Variants in AASS observed in about 807,000 individuals in gnomAD.
AASS encodes the protein alpha-aminoadipic semialdehyde synthase, mitochondrial.
AASS carries 86 observed loss-of-function variants against 105.4 expected under a neutral mutation model. That is an observed-to-expected ratio of 0.82 (90% CI 0.69 to 0.98). AASS has a LOEUF of 0.98. AASS is among the 50% of genes least tolerant of loss of function. The pLI, the probability that AASS is intolerant of heterozygous loss-of-function variation, is 0.00. For missense variants in AASS, 1,048 were observed against 1,143.2 expected, an observed-to-expected ratio of 0.92 and a Z score of 1.20; for synonymous variants, 381 against 394.8, an observed-to-expected ratio of 0.96 and a Z score of 0.41.
At chr7:122,096,561 A>T (rs1794163582) in intron 15 of AASS, among the ~76,000 whole-genome samples, 1 of 151,894 alleles carries the variant, frequency 6.6e-6, no homozygotes, top group African/African-American at 2.4e-5. Context: ...CTGGGAGGTG[A>T]AGGTTGCAGT....
rs571938048 is a variant in AASS at position 122,089,611 on chromosome 7, C to T, written c.2016+2092G>A. ...TAGCTAATATTTGCTAGATTTATTA[C>T]ATGGCTGACAATCTGCTGTTAGGCA... On this transcript the variant is annotated intron_variant, in intron 18 of 23. Transcript: ENST00000417368. 2.0e-5 allele frequency among the ~76,000 whole-genome samples: 3 copies of T among 152,276 alleles called. No individual in the cohort carries two copies. The South Asian group carries it at 6.2e-4, about 32-fold the overall frequency.
intron 8 of AASS, among the ~76,000 whole-genome samples, chr7:122,116,037 TGTTA>T (rs1205917344): frequency 2.6e-5 from 4 of 152,342 alleles, no homozygotes; most frequent in Admixed American, 2.6e-4. Flanking sequence ...TTTTTTGGTT[TGTTA>T]GTTTATCTGG....
chr7:122,091,966 T>TA (rs1793924288), intron 17 of AASS, 123 bp from the exon 18 acceptor site: 1 of 691,608 alleles, frequency 1.4e-6, no homozygotes, highest in Non-Finnish European at 2.5e-6. Flanking sequence ...TTAAAGTTAC[T>TA]AAGGCATTCA....
At chr7:122,124,163 C>G (rs1374773813) in intron 4 of AASS, among the ~76,000 whole-genome samples, 3 of 152,182 alleles carry the variant, frequency 2.0e-5, no homozygotes, top group Non-Finnish European at 4.4e-5. Context: ...ACTGTCCTCT[C>G]CTACTTCCCT....
chr7:122,106,196 C>T (rs1476151319), intron 11 of AASS, among the ~76,000 whole-genome samples: 2 of 151,984 alleles, frequency 1.3e-5, no homozygotes, highest in Non-Finnish European at 2.9e-5. Flanking sequence ...TATTTGAATG[C>T]TTTTTATTTC....
rs2150516847 is a variant in AASS at position 122,092,939 on chromosome 7, A to G, written c.1779T>C (p.Ala593=). 3 of 1,613,956 alleles carry G rather than the reference A, an allele frequency of 1.9e-6. No homozygotes were observed. Among genetic ancestry groups the G allele is most frequent in the South Asian group, 2.2e-5 (2 of 91,082 alleles). ...CCAATTCACCAATGATTGTGATGCCAGCATCTTCCACACTGCAGCAGGTGG... is the reference window on the plus strand; with the variant it reads ...CCAATTCACCAATGATTGTGATGCCGGCATCTTCCACACTGCAGCAGGTGG... ...LKELEKSVED[A]GITIIGELGL... Residue 593 remains alanine, a synonymous_variant, in exon 17 of 24, where the codon GCT becomes GCC. Coordinates refer to ENST00000417368, the MANE Select transcript of AASS (RefSeq NM_005763.4).
chr7:122,086,262 G>T, intron 18 of AASS, 83 bp from the exon 19 acceptor site: 1 of 1,355,970 alleles, frequency 7.4e-7, no homozygotes, highest in Non-Finnish European at 1.0e-6. Context: ...AACAAAGAAA[G>T]CAACAGAAAT....
In AASS at chr7:122,116,978, A is replaced by T. The variant is rs867892024; in HGVS notation, c.688-21T>A. On this transcript the variant is annotated intron_variant, in intron 6 of 23. Transcript: ENST00000417368. ...GCTCCCTACAAATAACACATGAGTA[A>T]AAATCCAAAAATCAATAGAAAAAGA... 1.9e-6 allele frequency: 3 copies of T among 1,599,828 alleles called. No individual in the cohort carries two copies. The Middle Eastern group carries it at 5.0e-4, about 265-fold the overall frequency.
At chr7:122,118,088 T>TAC (rs985387741) in intron 6 of AASS, among the ~76,000 whole-genome samples, 2 of 151,970 alleles carry the variant, frequency 1.3e-5, no homozygotes, top group Non-Finnish European at 2.9e-5. Flanking sequence ...CACTTACACA[T>TAC]ACACACACAC....
chr7:122,129,865 A>C (rs1266429546), intron 2 of AASS, among the ~76,000 whole-genome samples: 3 of 152,178 alleles, frequency 2.0e-5, no homozygotes, highest in African/African-American at 7.2e-5. Flanking sequence ...CCAACAGTAC[A>C]CTGAAATATT....
At chr7:122,132,282 A>C (rs1468299760) in intron 2 of AASS, among the ~76,000 whole-genome samples, 1 of 152,200 alleles carries the variant, frequency 6.6e-6, no homozygotes, top group Admixed American at 6.5e-5. Context: ...TTCACAACTC[A>C]AAAAAGTGGA....
chr7:122,095,525 C>T (rs1390602015), intron 15 of AASS, among the ~76,000 whole-genome samples: 2 of 151,524 alleles, frequency 1.3e-5, no homozygotes, highest in African/African-American at 2.4e-5. Context: ...CAATATTACA[C>T]TATATCATTG....
intron 1 of AASS, 54 bp from the exon 2 acceptor site, chr7:122,133,795 C>G (rs1584900367): frequency 1.4e-6 from 2 of 1,456,108 alleles, no homozygotes; most frequent in East Asian, 4.5e-5. Context: ...GCTGGCAGAT[C>G]AGTTCTGGTC....
chr7:122,079,195 C>A (rs1793187616), intron 21 of AASS: 2 of 1,404,900 alleles, frequency 1.4e-6, no homozygotes, highest in Non-Finnish European at 1.8e-6. Context: ...GATTGTAATC[C>A]CATGTTCTTA....
At chr7:122,116,471 T>C (rs1184786648) in intron 8 of AASS, among the ~76,000 whole-genome samples, 162 bp downstream of exon 8, 1 of 152,068 alleles carries the variant, frequency 6.6e-6, no homozygotes, top group Admixed American at 6.6e-5. Context: ...CTACTCCAAA[T>C]ACCATAAAAG....
At position 122,133,885 on chromosome 7, in the gene AASS, G is replaced by A. The variant is rs550891627; in HGVS notation, c.-15-144C>T. 6.8e-5 allele frequency: 51 copies of A among 747,522 alleles called. No homozygotes were observed. The East Asian group carries it at 1.1e-3, about 16-fold the overall frequency. 46.3% of individuals were successfully genotyped at this position (747,522 alleles called of 1,614,324 possible). A position where few individuals can be genotyped will look rare whatever the true frequency, so the allele number is the denominator to read the frequency against. ...TAGAGAAGAGGGAAGGGAAAACTGG[G>A]ATGTCAAGTGTTCCTTTAAAGCCAA... On this transcript the variant is annotated intron_variant, in intron 1 of 23. Transcript: ENST00000417368.
chr7:122,104,605 A>G (rs895801124), intron 11 of AASS, among the ~76,000 whole-genome samples: 1 of 152,082 alleles, frequency 6.6e-6, no homozygotes, highest in African/African-American at 2.4e-5. Flanking sequence ...TAAACAAACA[A>G]TGAAACTACG....
intron 2 of AASS, among the ~76,000 whole-genome samples, chr7:122,130,175 CA>C (rs929781703): frequency 5.3e-5 from 8 of 151,352 alleles, no homozygotes; most frequent in African/African-American, 1.5e-4. Flanking sequence ...GTAGGATGAT[CA>C]AAAAAATATG....
At chr7:122,083,207 G>C (rs1052570624) in intron 19 of AASS, among the ~76,000 whole-genome samples, 2 of 151,902 alleles carry the variant, frequency 1.3e-5, no homozygotes, top group Non-Finnish European at 2.9e-5. Context: ...CTGTTCAAAG[G>C]TTACTAAAAA....
Sources: allele counts gnomAD v4.1 joint callset (sites outside exome capture counted in the v4.1 genomes callset), GRCh38; gene constraint gnomAD v4.1.1; transcripts MANE v1.5; gene names NCBI Gene and HGNC (gene_info 2026-07-23, HGNC 2026-07-21).